LCN1: variants seen among roughly 807,000 people sequenced by gnomAD.
LCN1 encodes the protein lipocalin-1.
Under a neutral mutation model 22.3 loss-of-function variants are expected in LCN1, and 25 were observed. The observed-to-expected ratio is 1.12, with a 90% CI of 0.82 to 1.56. The LOEUF (loss-of-function observed/expected upper bound fraction) is 1.56. Ranked by LOEUF, LCN1 falls within the 40% of genes most tolerant of loss-of-function variation. The pLI is 0.00. For synonymous variants in LCN1, 85 were observed against 97.6 expected (o/e 0.87, Z 0.76); for missense variants, 219 against 235.6 (o/e 0.93, Z 0.46).
Position 135,523,271 on chromosome 9 carries a change from G to A in LCN1, c.261G>A (p.Glu87=). 9 of 1,612,676 alleles carry A rather than the reference G, an allele frequency of 5.6e-6. No homozygotes were observed. Among genetic ancestry groups the A allele is most frequent in the Non-Finnish European group, 7.6e-6 (9 of 1,179,730 alleles). The change falls in exon 3 of 7, where the codon GAG becomes GAA. Residue 87 remains glutamate, a synonymous_variant. Transcript: ENST00000371781. ...GRCQEVKAVL[E]KTDEPGKYTA... is the part of the protein sequence containing the mutation. ...GCCAGGAGGTGAAGGCCGTCCTGGAGAAAACTGACGAGCCGGGAAAATACA... is the reference window on the plus strand; with the variant it reads ...GCCAGGAGGTGAAGGCCGTCCTGGAAAAAACTGACGAGCCGGGAAAATACA...
intron 4 of LCN1, 84 bp downstream of exon 4, chr9:135,524,074 G>A: frequency 1.9e-6 from 2 of 1,050,980 alleles, no homozygotes; most frequent in South Asian, 1.3e-5. Flanking sequence ...CTTCCCCATG[G>A]GAGAAGCCAC....
In LCN1 at chr9:135,526,301, A is replaced by G. The variant is rs553451507; in HGVS notation, c.*2-43A>G. ...CGCCCCCACATTGCATCCCCCTCCC[A>G]CCCTTGCTGTCCTGGCCTCACTCAC... On this transcript the variant is annotated intron_variant, in intron 6 of 6. Coordinates refer to ENST00000371781, the MANE Select transcript of LCN1 (RefSeq NM_002297.4). 346 of 515,694 alleles carry G rather than the reference A, an allele frequency of 6.7e-4. No individual in the cohort carries two copies. The African/African-American group carries it at 0.017, about 25-fold the overall frequency. 31.9% of individuals were successfully genotyped at this position (515,694 alleles called of 1,614,324 possible).
At chr9:135,521,848 T>C (rs569488569) in intron 1 of LCN1, among the ~76,000 whole-genome samples, 199 bp from the exon 2 acceptor site, 4 of 152,128 alleles carry the variant, frequency 2.6e-5, no homozygotes, top group South Asian at 4.2e-4. Flanking sequence ...GCTCCTGTGG[T>C]CCTGGCTGGC....
At chr9:135,523,357 G>C in intron 3 of LCN1, 55 bp downstream of exon 3, 1 of 1,520,664 alleles carries the variant, frequency 6.6e-7, no homozygotes, top group Non-Finnish European at 8.9e-7. Flanking sequence ...TGGATGTGCG[G>C]GGGCAGCCAG....
At position 135,522,168 on chromosome 9, in the gene LCN1, T is replaced by G; in HGVS notation, c.212T>G (p.Val71Gly). The G allele has an allele frequency of 6.2e-7, 1 of 1,605,596 alleles. No individual in the cohort carries two copies. The highest frequency in any genetic ancestry group is 8.5e-7 in the Non-Finnish European group (1 of 1,176,154). ...TLEGGNLEAK[V>G]TMLISGRCQE... ...GAAGGGGGCAACCTGGAAGCCAAGG[T>G]CACCATGCTGTGAGTGTCTGCCAGC... Residue 71 changes from valine to glycine, a missense_variant, in exon 2 of 7, where the codon GTC becomes GGC. Transcript: ENST00000371781.
intron 3 of LCN1, 63 bp from the exon 4 acceptor site, chr9:135,523,817 T>C: frequency 7.1e-7 from 1 of 1,414,384 alleles, no homozygotes. Flanking sequence ...ACGCACGCTG[T>C]CCCGGGATCC....
intron 3 of LCN1, 29 bp from the exon 4 acceptor site, chr9:135,523,851 T>C (rs1018380791): frequency 6.9e-6 from 11 of 1,596,678 alleles, no homozygotes; most frequent in Non-Finnish European, 9.4e-6. Context: ...TGGTGGCTAA[T>C]TCAGGAATGT....
chr9:135,524,202 C>A (rs1831571091), intron 4 of LCN1, among the ~76,000 whole-genome samples: 1 of 152,206 alleles, frequency 6.6e-6, no homozygotes, highest in African/African-American at 2.4e-5. Flanking sequence ...GCAGCAGAGG[C>A]AGGAAGGAGC....
chr9:135,524,216 G>C (rs1196245274), intron 4 of LCN1, among the ~76,000 whole-genome samples: 5 of 152,198 alleles, frequency 3.3e-5, no homozygotes, highest in Admixed American at 3.3e-4. Context: ...AAGGAGCCAC[G>C]GCTGCAGGCA....
rs367725856 is a variant in LCN1, at chr9:135,523,927, C to G, written c.340C>G (p.His114Asp). Residue 114 changes from histidine (H) to aspartate (D), a missense_variant, in exon 4 of 7, where the codon CAC (histidine) becomes GAC (aspartate). Transcript: ENST00000371781. The stretch of plus-strand genomic sequence containing the variant: ...CATCATCAGGTCGCACGTGAAGGAC[C>G]ACTACATCTTTTACTGTGAGGGCGA... Reference protein sequence around the residue: ...AYIIRSHVKDHYIFYCEGELH... With the variant: ...AYIIRSHVKDDYIFYCEGELH... 6.8e-6 allele frequency: 11 copies of G among 1,613,988 alleles called. No homozygotes were observed. In the African/African-American group the frequency reaches 1.2e-4, roughly 18 times the overall value.
In LCN1 at chr9:135,521,530, C is replaced by T; in HGVS notation, c.33C>T (p.Gly11=). The T allele has an allele frequency of 6.2e-7, 1 of 1,613,410 alleles. No homozygotes were observed. Among genetic ancestry groups the T allele is most frequent in the Non-Finnish European group, 8.5e-7 (1 of 1,179,996 alleles). Residue 11 remains glycine, a synonymous_variant, in exon 1 of 7, where the codon GGC becomes GGT. Transcript: ENST00000371781. ...CCCTGCTCCTGGCCGTCAGCCTTGG[C>T]CTCATTGCTGCCCTGCAGGCCCACC... MKPLLLAVSL[G]LIAALQAHHL...
In LCN1 at chr9:135,526,437, G is replaced by A. The variant is rs1157538312; in HGVS notation, c.*95G>A. Reference sequence around the variant, plus strand: ...GACATGGAAAAAGCTCCCCACCCCTGCAGAACGCGGCTGGCTGCACCCCTT... The same window carrying A: ...GACATGGAAAAAGCTCCCCACCCCTACAGAACGCGGCTGGCTGCACCCCTT... On this transcript the variant is annotated 3_prime_UTR_variant, in exon 7 of 7. Coordinates refer to ENST00000371781, the MANE Select transcript of LCN1 (RefSeq NM_002297.4). 1 of 1,285,756 alleles carries A rather than the reference G, an allele frequency of 7.8e-7. No individual in the cohort carries two copies. The highest frequency in any genetic ancestry group is 1.0e-6 in the Non-Finnish European group (1 of 986,946). 79.6% of individuals were successfully genotyped at this position (1,285,756 alleles called of 1,614,324 possible).
chr9:135,522,922 A>G (rs1320162960), intron 2 of LCN1, among the ~76,000 whole-genome samples: 1 of 150,404 alleles, frequency 6.6e-6, no homozygotes, highest in Admixed American at 6.6e-5. Flanking sequence ...GGCCCACGCC[A>G]CAGACGCTGC....
At chr9:135,524,299 C>T (rs764684848) in intron 4 of LCN1, among the ~76,000 whole-genome samples, 10 of 152,192 alleles carry the variant, frequency 6.6e-5, no homozygotes, top group African/African-American at 1.7e-4. Flanking sequence ...GCAGTGTCAT[C>T]CTTGAGCGCG....
Position 135,525,167 on chromosome 9 carries a change from A to C in LCN1, c.*1+9A>C. The stretch of plus-strand genomic sequence containing the variant: ...TCCAGGGAGCGATTAGGGTGAGTGA[A>C]CAGCTTTAGAGGACATTTGAGAAAA... On this transcript the variant is annotated intron_variant, in intron 6 of 6. Transcript: ENST00000371781. The C allele has an allele frequency of 6.2e-7, 1 of 1,613,244 alleles. No homozygotes were observed. Among genetic ancestry groups the C allele is most frequent in the East Asian group, 2.2e-5 (1 of 44,868 alleles).
At position 135,522,061 on chromosome 9, in the gene LCN1, G is replaced by A. The variant is rs1265965496; in HGVS notation, c.105G>A (p.Trp35Ter). The change falls in exon 2 of 7, where the codon TGG becomes TGA. Residue 35 changes from tryptophan to a stop codon, truncating the protein, a stop_gained. Coordinates refer to ENST00000371781, the MANE Select transcript of LCN1 (RefSeq NM_002297.4). LOFTEE classifies it high-confidence loss of function. ...GCCTTCTCCAGGTGTCAGGGACGTG[G>A]TATCTGAAGGCCATGACGGTGGACA... ...DEEIQDVSGTWYLKAMTVDRE... is the reference protein window; with the variant it reads ...DEEIQDVSGT 2 of 1,593,520 alleles carry A rather than the reference G, an allele frequency of 1.3e-6. No individual in the cohort carries two copies. Among genetic ancestry groups the A allele is most frequent in the Middle Eastern group, 1.8e-4 (1 of 5,690 alleles).
intron 2 of LCN1, among the ~76,000 whole-genome samples, 158 bp downstream of exon 2, chr9:135,522,335 G>A (rs1344351943): frequency 4.6e-5 from 7 of 152,210 alleles, no homozygotes; most frequent in Admixed American, 3.9e-4. Flanking sequence ...TGCCACTGAG[G>A]TGCCTCGGCT....
In LCN1 at chr9:135,523,280, C is replaced by T. The variant is rs780455251; in HGVS notation, c.270C>T (p.Asp90=). The stretch of plus-strand genomic sequence containing the variant: ...TGAAGGCCGTCCTGGAGAAAACTGA[C>T]GAGCCGGGAAAATACACGGCCGGTG... ...QEVKAVLEKT[D]EPGKYTADGG... Residue 90 remains aspartate, a synonymous_variant, in exon 3 of 7, where the codon GAC becomes GAT. Coordinates refer to ENST00000371781, the MANE Select transcript of LCN1 (RefSeq NM_002297.4). 60 of 1,612,230 alleles carry T rather than the reference C, an allele frequency of 3.7e-5. 2 individuals are homozygous for T. The highest frequency in any genetic ancestry group is 3.3e-4 in the South Asian group (30 of 90,864).
In LCN1 at chr9:135,523,938, T is replaced by C; in HGVS notation, c.351T>C (p.Phe117=). 1 of 1,614,092 alleles carries C rather than the reference T, an allele frequency of 6.2e-7. No homozygotes were observed. Among genetic ancestry groups the C allele is most frequent in the Non-Finnish European group, 8.5e-7 (1 of 1,179,984 alleles). The part of the protein sequence containing the change: ...IRSHVKDHYI[F]YCEGELHGKP... ...CGCACGTGAAGGACCACTACATCTT[T>C]TACTGTGAGGGCGAGCTGCACGGGA... is the stretch of plus-strand genomic sequence containing the variant. Residue 117 remains phenylalanine, a synonymous_variant, in exon 4 of 7, where the codon TTT becomes TTC. Transcript: ENST00000371781.
Sources: allele counts gnomAD v4.1 joint callset (sites outside exome capture counted in the v4.1 genomes callset), GRCh38; gene constraint gnomAD v4.1.1; transcripts MANE v1.5; gene names NCBI Gene and HGNC (gene_info 2026-07-23, HGNC 2026-07-21).